The following ZMAT4 variants were observed in gnomAD, a reference collection of about 807,000 sequenced individuals.
ZMAT4 encodes zinc finger matrin-type protein 4.
A neutral mutation model predicts 28.7 loss-of-function variants in ZMAT4; 17 were observed. The ratio of observed to expected loss-of-function variants is 0.59; its 90% CI spans 0.41 to 0.89. The LOEUF (loss-of-function observed/expected upper bound fraction) is 0.89. ZMAT4 is among the 40% of genes least tolerant of loss of function. The probability of loss-of-function intolerance (pLI) is 0.00; values close to 1 mark genes in which losing one functional copy is unlikely to be tolerated. For missense variants in ZMAT4, 240 were observed against 283.8 expected (o/e 0.85, Z 1.11); for synonymous variants, 117 against 109.2 (o/e 1.07, Z -0.44).
intron 5 of ZMAT4, among the ~76,000 whole-genome samples, chr8:40,605,157 T>C (rs1176197541): frequency 6.6e-6 from 1 of 152,186 alleles, no homozygotes; most frequent in Non-Finnish European, 1.5e-5. Flanking sequence ...TTTTGTATTG[T>C]TTTCCGTTTG....
intron 5 of ZMAT4, among the ~76,000 whole-genome samples, chr8:40,661,770 C>T (rs1288300321): frequency 2.0e-5 from 3 of 152,150 alleles, no homozygotes; most frequent in African/African-American, 7.2e-5. Flanking sequence ...CTTCCTAGAA[C>T]CTTATGAAAC....
intron 5 of ZMAT4, among the ~76,000 whole-genome samples, chr8:40,596,222 G>A (rs986594077): frequency 2.0e-5 from 3 of 152,232 alleles, no homozygotes; most frequent in African/African-American, 7.2e-5. Flanking sequence ...AGTGAGTGAT[G>A]AGTGAATGGG....
intron 2 of ZMAT4, among the ~76,000 whole-genome samples, chr8:40,797,629 T>G (rs1294753149): frequency 6.6e-6 from 1 of 152,150 alleles, no homozygotes; most frequent in Non-Finnish European, 1.5e-5. Flanking sequence ...TACAATTTCC[T>G]CTAAGGAACA....
intron 2 of ZMAT4, among the ~76,000 whole-genome samples, chr8:40,771,430 T>C (rs1428761605): frequency 1.3e-5 from 2 of 151,844 alleles, no homozygotes; most frequent in African/African-American, 2.4e-5. Flanking sequence ...AACATAAATA[T>C]AATAATAATA....
At chr8:40,686,386 G>A (rs1809408393) in intron 4 of ZMAT4, among the ~76,000 whole-genome samples, 2 of 151,984 alleles carry the variant, frequency 1.3e-5, no homozygotes, top group South Asian at 4.2e-4. Flanking sequence ...GAAATCTTGA[G>A]CCCAGGAATT....
At chr8:40,536,493 C>T (rs546395324) in intron 6 of ZMAT4, among the ~76,000 whole-genome samples, 1 of 152,308 alleles carries the variant, frequency 6.6e-6, no homozygotes, top group East Asian at 1.9e-4. Flanking sequence ...ACTGTAATGT[C>T]ACTGGCATCT....
intron 6 of ZMAT4, among the ~76,000 whole-genome samples, chr8:40,574,980 A>T (rs2118521399): frequency 6.6e-6 from 1 of 152,298 alleles, no homozygotes; most frequent in South Asian, 2.1e-4. Flanking sequence ...TTGAAATCAA[A>T]GTCACTGCTG....
chr8:40,609,240 G>A (rs1411656476), intron 5 of ZMAT4, among the ~76,000 whole-genome samples: 1 of 152,124 alleles, frequency 6.6e-6, no homozygotes, highest in African/African-American at 2.4e-5. Flanking sequence ...AGATTCAACA[G>A]AATTAATATT....
intron 4 of ZMAT4, among the ~76,000 whole-genome samples, chr8:40,686,103 A>AT (rs1383292913): frequency 6.6e-6 from 1 of 152,184 alleles, no homozygotes; most frequent in Non-Finnish European, 1.5e-5. Context: ...TGCCTTAGGT[A>AT]TAGAGAGCCA....
chr8:40,809,107 C>T (rs150217410), intron 2 of ZMAT4, among the ~76,000 whole-genome samples: 2 of 152,238 alleles, frequency 1.3e-5, no homozygotes, highest in South Asian at 2.1e-4. Flanking sequence ...GTGGTACATA[C>T]ACAGCATGGA....
At chr8:40,635,826 T>C (rs1268907967) in intron 5 of ZMAT4, among the ~76,000 whole-genome samples, 1 of 152,174 alleles carries the variant, frequency 6.6e-6, no homozygotes, top group Non-Finnish European at 1.5e-5. Flanking sequence ...ATAGACATGG[T>C]CTTTGTGGAT....
At chr8:40,674,960 A>G (rs2150473596) in intron 4 of ZMAT4, 29 bp from the exon 5 acceptor site, 1 of 1,575,222 alleles carries the variant, frequency 6.3e-7, no homozygotes, top group East Asian at 2.2e-5. Context: ...AGAGAACCAC[A>G]GCCACGTTAG....
intron 3 of ZMAT4, among the ~76,000 whole-genome samples, chr8:40,731,607 A>G (rs1303597505): frequency 6.6e-6 from 1 of 152,232 alleles, no homozygotes; most frequent in Non-Finnish European, 1.5e-5. Context: ...AAATCAGTAA[A>G]TCAGCAGAAA....
chr8:40,698,599 G>C (rs1310790374), intron 3 of ZMAT4, among the ~76,000 whole-genome samples: 1 of 152,214 alleles, frequency 6.6e-6, no homozygotes. Flanking sequence ...GATGAGGGTG[G>C]CAACTGGTTG....
At chr8:40,739,486 G>A (rs1343783807) in intron 3 of ZMAT4, among the ~76,000 whole-genome samples, 1 of 152,066 alleles carries the variant, frequency 6.6e-6, no homozygotes, top group East Asian at 1.9e-4. Flanking sequence ...CTTGATTCTG[G>A]AAATTCTTTA....
intron 3 of ZMAT4, among the ~76,000 whole-genome samples, chr8:40,713,921 C>CAAAAAAAAAAAAAA (rs532317102): frequency 1.5e-3 from 74 of 49,514 alleles, no homozygotes; most frequent in African/African-American, 1.7e-3. Flanking sequence ...AAAACAAAAC[C>CAAAAAAAAAAAAAA]AAAAAAAAAA....
At chr8:40,734,419 T>A (rs2150528939) in intron 3 of ZMAT4, among the ~76,000 whole-genome samples, 1 of 152,300 alleles carries the variant, frequency 6.6e-6, no homozygotes, top group African/African-American at 2.4e-5. Flanking sequence ...TTCGTGAGAC[T>A]TTACAAAATA....
chr8:40,846,461 C>G (rs949628299), intron 1 of ZMAT4, among the ~76,000 whole-genome samples: 1 of 152,264 alleles, frequency 6.6e-6, no homozygotes, highest in Non-Finnish European at 1.5e-5. Context: ...GCGGAGCTGC[C>G]TGGCTCTGGA....
At chr8:40,730,325 G>A (rs751811840) in intron 3 of ZMAT4, among the ~76,000 whole-genome samples, 5 of 152,122 alleles carry the variant, frequency 3.3e-5, no homozygotes, top group Admixed American at 6.6e-5. Flanking sequence ...ACATATATGA[G>A]AACATGATAA....
Sources: allele counts gnomAD v4.1 joint callset (sites outside exome capture counted in the v4.1 genomes callset), GRCh38; gene constraint gnomAD v4.1.1; transcripts MANE v1.5; gene names NCBI Gene and HGNC (gene_info 2026-07-23, HGNC 2026-07-21).